ABCC12: variants seen among roughly 807,000 people sequenced by gnomAD.
ABCC12 encodes the protein ATP-binding cassette sub-family C member 12.
In ABCC12, 142 loss-of-function variants were observed where a neutral mutation model predicts 151.1. The observed-to-expected ratio is 0.94, with a 90% CI of 0.82 to 1.08. ABCC12 has a LOEUF of 1.08. ABCC12 is among the 50% of genes least tolerant of loss of function. The pLI is 0.00. For missense variants in ABCC12, 1,638 were observed against 1,691.1 expected (o/e 0.97, Z 0.55); for synonymous variants, 645 against 646.4 (o/e 1.00, Z 0.03).
chr16:48,138,395 A>G lies in ABCC12; in HGVS notation c.832-20T>C, dbSNP rs745423342. The stretch of plus-strand genomic sequence containing the variant: ...AAACATCTGAAATCAAGGTACAAAC[A>G]CTGTTTTCAGAGAGAAGTGCTGAGT... On this transcript the variant is annotated intron_variant, in intron 7 of 30. Transcript: ENST00000311303. 47 of 1,599,860 alleles carry G rather than the reference A, an allele frequency of 2.9e-5. No homozygotes were observed. In the Admixed American group the frequency reaches 7.4e-4, roughly 25 times the overall value.
chr16:48,151,178 T>C (rs1280874345), intron 2 of ABCC12, among the ~76,000 whole-genome samples: 1 of 152,228 alleles, frequency 6.6e-6, no homozygotes, highest in Non-Finnish European at 1.5e-5. Flanking sequence ...TAAGTCCTGT[T>C]GATAACGTGT....
chr16:48,115,369 A>C (rs756067730), intron 15 of ABCC12, 46 bp downstream of exon 15: 32 of 1,592,224 alleles, frequency 2.0e-5, no homozygotes, highest in Non-Finnish European at 2.6e-5. Flanking sequence ...TCAGATCCCC[A>C]GCCACACCCA....
At chr16:48,145,716 G>A (rs1964977082) in intron 3 of ABCC12, among the ~76,000 whole-genome samples, 1 of 152,210 alleles carries the variant, frequency 6.6e-6, no homozygotes, top group African/African-American at 2.4e-5. Context: ...AGCACACGCG[G>A]GGTCCAGTTG....
At chr16:48,105,413 TC>T in intron 20 of ABCC12, 77 bp from the exon 21 acceptor site, 1 of 1,411,994 alleles carries the variant, frequency 7.1e-7, no homozygotes, top group Non-Finnish European at 9.7e-7. Context: ...GGAGAATCTT[TC>T]CAGAGAGAAG....
chr16:48,121,902 C>T, intron 12 of ABCC12, 62 bp from the exon 13 acceptor site: 2 of 1,605,250 alleles, frequency 1.2e-6, no homozygotes, highest in Non-Finnish European at 1.7e-6. Context: ...CCTCAAATGC[C>T]CATTGCACCC....
At chr16:48,128,919 C>A (rs769043220) in intron 10 of ABCC12, among the ~76,000 whole-genome samples, 182 bp from the exon 11 acceptor site, 15 of 152,230 alleles carry the variant, frequency 9.9e-5, no homozygotes, top group Non-Finnish European at 1.9e-4. Flanking sequence ...CTAGCTCATG[C>A]TATCTGGGAC....
rs554896757 is a variant in ABCC12, at chr16:48,141,470, G to A, written c.276-117C>T. On this transcript the variant is annotated intron_variant, in intron 4 of 30. Transcript: ENST00000311303. ...GGCAGAGCCCCCCTCCCTGGCAGTGGTGCCTTCCAGCACTGGCTCAGCTTT... is the reference window on the plus strand; with the variant it reads ...GGCAGAGCCCCCCTCCCTGGCAGTGATGCCTTCCAGCACTGGCTCAGCTTT... The A allele has an allele frequency of 2.1e-5, 28 of 1,344,870 alleles. No individual in the cohort carries two copies. The South Asian group carries it at 3.4e-4, about 16-fold the overall frequency. 83.3% of individuals were successfully genotyped at this position (1,344,870 alleles called of 1,614,324 possible). A position where few individuals can be genotyped will look rare whatever the true frequency, so the allele number is the denominator to read the frequency against.
rs1207916197 is a variant in ABCC12, at chr16:48,081,114, G to A, written c.*2601C>T. On this transcript the variant is annotated 3_prime_UTR_variant, in exon 31 of 31. Transcript: ENST00000311303. Reference sequence around the variant, plus strand: ...ATGACCTAATTAATCACCTCCTAAAGGCCCTACCTCTATACTGTCACACTG... The same window carrying A: ...ATGACCTAATTAATCACCTCCTAAAAGCCCTACCTCTATACTGTCACACTG... Among the ~76,000 whole-genome samples, 3 of 152,010 alleles carry A rather than the reference G, an allele frequency of 2.0e-5. No homozygotes were observed. Among genetic ancestry groups the A allele is most frequent in the East Asian group, 3.9e-4 (2 of 5,186 alleles).
chr16:48,135,217 G>A (rs1165010907), intron 8 of ABCC12, among the ~76,000 whole-genome samples: 5 of 152,072 alleles, frequency 3.3e-5, no homozygotes, highest in South Asian at 2.1e-4. Flanking sequence ...AGCATGAGCC[G>A]CCTGATTCTC....
In ABCC12 at chr16:48,100,939, T is replaced by C. The variant is rs749694319; in HGVS notation, c.2971A>G (p.Ile991Val). The C allele has an allele frequency of 3.1e-6, 5 of 1,614,238 alleles. No homozygotes were observed. The highest frequency in any genetic ancestry group is 4.2e-6 in the Non-Finnish European group (5 of 1,180,034). The stretch of plus-strand genomic sequence containing the variant: ...CCCAGGCCCTGCATGGAGGAGGTGA[T>C]GTGGGTGAACCAGGGTGACCGGCTG... ...NVSRSPWFTHITSSMQGLGII... is the reference protein window; with the variant it reads ...NVSRSPWFTHVTSSMQGLGII... Residue 991 changes from isoleucine (I) to valine (V), a missense_variant, in exon 23 of 31, where the codon ATC (isoleucine) becomes GTC (valine). Physicochemically the swap from Ile to Val is conservative, Grantham distance 29. Transcript: ENST00000311303.
intron 11 of ABCC12, among the ~76,000 whole-genome samples, chr16:48,127,145 C>T (rs1033522327): frequency 1.3e-5 from 2 of 152,178 alleles, no homozygotes; most frequent in Admixed American, 1.3e-4. Flanking sequence ...CACTCTCACA[C>T]CAGCTATTGA....
intron 24 of ABCC12, 138 bp downstream of exon 24, chr16:48,096,608 G>T: frequency 1.1e-6 from 1 of 881,552 alleles, no homozygotes; most frequent in South Asian, 1.6e-5. Context: ...ACTTTTTAAT[G>T]ATGTGAGCCA....
intron 8 of ABCC12, among the ~76,000 whole-genome samples, chr16:48,136,758 A>C (rs1169360477): frequency 6.6e-6 from 1 of 152,158 alleles, no homozygotes; most frequent in East Asian, 1.9e-4. Context: ...ATCCAGCAGG[A>C]GCGCACTCCA....
At chr16:48,150,124 A>G (rs1965097470) in intron 2 of ABCC12, among the ~76,000 whole-genome samples, 1 of 152,198 alleles carries the variant, frequency 6.6e-6, no homozygotes. Flanking sequence ...AAGCAGTCAG[A>G]TACAGAGTGG....
chr16:48,124,777 T>C (rs1349768661), intron 11 of ABCC12, among the ~76,000 whole-genome samples: 1 of 152,246 alleles, frequency 6.6e-6, no homozygotes, highest in Non-Finnish European at 1.5e-5. Flanking sequence ...GATTTATTAA[T>C]TCAACCAACA....
chr16:48,088,683 C>T lies in ABCC12; in HGVS notation c.3337G>A (p.Asp1113Asn), dbSNP rs1448384719. ...GTGATCTCCCCACGGCTGGGCCAGTCCTTGGGACAGGTCCCCACTTTGAGG... is the reference window on the plus strand; with the variant it reads ...GTGATCTCCCCACGGCTGGGCCAGTTCTTGGGACAGGTCCCCACTTTGAGG... ...HPLKVGTCPK[D>N]WPSRGEITFR... The change falls in exon 26 of 31, where the codon GAC (aspartate) becomes AAC (asparagine). Residue 1113 changes from aspartate (D) to asparagine (N), a missense_variant. Transcript: ENST00000311303. 3.1e-6 allele frequency: 5 copies of T among 1,614,060 alleles called. No individual in the cohort carries two copies. The highest frequency in any genetic ancestry group is 1.7e-5 in the Admixed American group (1 of 60,002).
intron 18 of ABCC12, among the ~76,000 whole-genome samples, chr16:48,109,892 C>G (rs1404308048): frequency 6.6e-6 from 1 of 152,196 alleles, no homozygotes; most frequent in Non-Finnish European, 1.5e-5. Flanking sequence ...TGTCTTTAAC[C>G]AGTTCACGAG....
intron 24 of ABCC12, among the ~76,000 whole-genome samples, chr16:48,095,419 G>A (rs746943809): frequency 1.3e-5 from 2 of 152,148 alleles, no homozygotes; most frequent in African/African-American, 4.8e-5. Flanking sequence ...TATCAGCAGT[G>A]TGAGAACTAA....
At chr16:48,102,398 T>A (rs922977140) in intron 22 of ABCC12, among the ~76,000 whole-genome samples, 1 of 151,904 alleles carries the variant, frequency 6.6e-6, no homozygotes, top group Non-Finnish European at 1.5e-5. Context: ...CTTGCTCCCA[T>A]CCTGTGGGAG....
Sources: allele counts gnomAD v4.1 joint callset (sites outside exome capture counted in the v4.1 genomes callset), GRCh38; gene constraint gnomAD v4.1.1; transcripts MANE v1.5; gene names NCBI Gene and HGNC (gene_info 2026-07-23, HGNC 2026-07-21).